ABAT: variants seen among roughly 807,000 people sequenced by gnomAD.
ABAT encodes 4-aminobutyrate aminotransferase, mitochondrial.
ABAT carries 45 observed loss-of-function variants against 64.6 expected under a neutral mutation model. The ratio of observed to expected loss-of-function variants is 0.70; its 90% confidence interval spans 0.55 to 0.89. ABAT has a LOEUF of 0.89. Ranked by LOEUF, ABAT falls within the 40% of genes least tolerant of loss-of-function variation. The pLI is 0.00. For missense variants in ABAT, 633 were observed against 658.4 expected (o/e 0.96, Z 0.42); for synonymous variants, 297 against 250.5 (o/e 1.19, Z -1.75).
chr16:8,712,005 C>CGGGG (rs60186520), intron 1 of ABAT, among the ~76,000 whole-genome samples: 211 of 150,538 alleles, frequency 1.4e-3, no homozygotes, highest in African/African-American at 5.1e-3. Context: ...TTTGGGAGGT[C>CGGGG]GGGGGGGAGG....
rs770410502 is a variant in ABAT at position 8,768,985 on chromosome 16, AC to A, written c.816+15del. ...GCTGTCTGGAAGAGGTAATGCTCAT[AC>A]CCTGCGGATCCTCCCCAACCACCAG... On this transcript the variant is annotated intron_variant, in intron 11 of 15. Coordinates refer to ENST00000268251, the MANE Select transcript of ABAT (RefSeq NM_020686.6). 1 of 1,613,882 alleles carries A rather than the reference AC, an allele frequency of 6.2e-7. No individual in the cohort carries two copies. Among genetic ancestry groups the A allele is most frequent in the Non-Finnish European group, 8.5e-7 (1 of 1,179,928 alleles).
chr16:8,726,434 T>A (rs907512814), intron 1 of ABAT, among the ~76,000 whole-genome samples: 1 of 151,622 alleles, frequency 6.6e-6, no homozygotes, highest in Non-Finnish European at 1.5e-5. Flanking sequence ...ATGATTTTTG[T>A]TTTTTGTAGA....
rs772511380 is a variant in ABAT, at chr16:8,738,616, G to GTTTTTTTTTTTT, written c.70+2812_70+2813insTTTTTTTTTTTT. Among the ~76,000 whole-genome samples, 36 of 117,618 alleles carry GTTTTTTTTTTTT rather than the reference G, an allele frequency of 3.1e-4. 5 individuals carry two copies. The highest frequency in any genetic ancestry group is 8.8e-4 in the South Asian group (3 of 3,408). The allele number at this position is 117,618 out of a possible 152,430, so 77.2% of individuals were successfully genotyped here. A position where few individuals can be genotyped will look rare whatever the true frequency, so the allele number is the denominator to read the frequency against. On this transcript the variant is annotated intron_variant, in intron 2 of 15. Transcript: ENST00000268251. ...TTTTTTCTTTTTTGTTTTTGTTTTT[G>GTTTTTTTTTTTT]TTTTTGTTTTTGTTTTTTTTTTGGT...
intron 2 of ABAT, among the ~76,000 whole-genome samples, chr16:8,745,674 G>A (rs1422893234): frequency 6.6e-6 from 1 of 151,912 alleles, no homozygotes; most frequent in Non-Finnish European, 1.5e-5. Context: ...CTCCAGCCTG[G>A]GCAATAGAGC....
intron 1 of ABAT, among the ~76,000 whole-genome samples, chr16:8,681,692 G>A (rs1161361755): frequency 2.7e-5 from 4 of 149,190 alleles, no homozygotes; most frequent in South Asian, 2.1e-4. Flanking sequence ...CCCAGGCTGG[G>A]GTGCAGTGGT....
At chr16:8,723,557 A>G (rs1457650081) in intron 1 of ABAT, among the ~76,000 whole-genome samples, 1 of 152,146 alleles carries the variant, frequency 6.6e-6, no homozygotes, top group Non-Finnish European at 1.5e-5. Context: ...TCTAGAATCA[A>G]TGACTACATC....
intron 11 of ABAT, among the ~76,000 whole-genome samples, chr16:8,771,103 C>G (rs1253887996): frequency 2.0e-5 from 3 of 151,988 alleles, no homozygotes; most frequent in African/African-American, 7.2e-5. Context: ...CAAGAGCAGC[C>G]TGACTAACAT....
chr16:8,740,923 T>G (rs2059145232), intron 2 of ABAT, among the ~76,000 whole-genome samples: 1 of 152,204 alleles, frequency 6.6e-6, no homozygotes, highest in South Asian at 2.1e-4. Context: ...AGCAAACAAC[T>G]CCAGTTGGAC....
chr16:8,709,993 T>C (rs1444628061), intron 1 of ABAT, among the ~76,000 whole-genome samples: 4 of 151,994 alleles, frequency 2.6e-5, no homozygotes, highest in Non-Finnish European at 5.9e-5. Context: ...TGTATTTTTT[T>C]ATACAGACCT....
chr16:8,743,087 C>G (rs1459735757), intron 2 of ABAT, among the ~76,000 whole-genome samples: 1 of 149,446 alleles, frequency 6.7e-6, no homozygotes, highest in Non-Finnish European at 1.5e-5. Flanking sequence ...TAGGAATTCC[C>G]TTTTTCAGAT....
At position 8,738,418 on chromosome 16, in the gene ABAT, C is replaced by G. The variant is rs1466954333; in HGVS notation, c.70+2609C>G. Reference sequence around the variant, plus strand: ...TTTTATTTGGCTTTCACTCATTTTTCCTTTAATGTCTTTTTCTGCTCCAGG... The same window carrying G: ...TTTTATTTGGCTTTCACTCATTTTTGCTTTAATGTCTTTTTCTGCTCCAGG... On this transcript the variant is annotated intron_variant, in intron 2 of 15. Transcript: ENST00000268251. The G allele has an allele frequency of 1.1e-5, 5 of 455,774 alleles. No individual in the cohort carries two copies. In the Admixed American group the frequency reaches 1.2e-4, roughly 11 times the overall value. The allele number at this position is 455,774 out of a possible 1,614,324, so 28.2% of individuals were successfully genotyped here.
At chr16:8,761,381 C>T (rs576340524) in intron 6 of ABAT, among the ~76,000 whole-genome samples, 10 of 152,330 alleles carry the variant, frequency 6.6e-5, no homozygotes, top group Non-Finnish European at 1.2e-4. Context: ...TACTGCCTTC[C>T]GGCTGTGTCC....
intron 5 of ABAT, among the ~76,000 whole-genome samples, chr16:8,754,631 C>G (rs1429750921): frequency 6.6e-6 from 1 of 151,914 alleles, no homozygotes; most frequent in South Asian, 2.1e-4. Flanking sequence ...ATCTCATAAG[C>G]AGAGAGAGTT....
At chr16:8,767,459 G>A (rs542341599) in intron 9 of ABAT, among the ~76,000 whole-genome samples, 3 of 152,294 alleles carry the variant, frequency 2.0e-5, no homozygotes, top group Middle Eastern at 6.8e-3. Flanking sequence ...GACACCTGAG[G>A]AGGCCTGAGT....
intron 1 of ABAT, among the ~76,000 whole-genome samples, chr16:8,735,297 G>A (rs1179977734): frequency 6.6e-6 from 1 of 151,934 alleles, no homozygotes; most frequent in Non-Finnish European, 1.5e-5. Flanking sequence ...TGTCACCCAG[G>A]CTGGAGAGCA....
intron 1 of ABAT, among the ~76,000 whole-genome samples, chr16:8,724,731 G>GAAA (rs1567286719): frequency 4.1e-5 from 3 of 73,206 alleles, no homozygotes; most frequent in African/African-American, 1.3e-4. Flanking sequence ...CTTGTCTCAG[G>GAAA]AAAAAAAAAA....
chr16:8,778,767 A>C (rs2060342084), intron 14 of ABAT, among the ~76,000 whole-genome samples: 3 of 145,270 alleles, frequency 2.1e-5, no homozygotes, highest in South Asian at 2.2e-4. Context: ...ACAGAGTGAG[A>C]CTCCATCTCA....
intron 1 of ABAT, among the ~76,000 whole-genome samples, chr16:8,734,947 C>T (rs1349737603): frequency 6.6e-6 from 1 of 151,896 alleles, no homozygotes; most frequent in African/African-American, 2.4e-5. Context: ...GTGGTTCATA[C>T]CTGTAATCCC....
chr16:8,750,627 A>T, intron 5 of ABAT, 88 bp downstream of exon 5: 6 of 1,169,440 alleles, frequency 5.1e-6, no homozygotes, highest in Non-Finnish European at 7.7e-6. Flanking sequence ...TGTGGCTTCC[A>T]GCAGGCACAT....
Sources: allele counts gnomAD v4.1 joint callset (sites outside exome capture counted in the v4.1 genomes callset), GRCh38; gene constraint gnomAD v4.1.1; transcripts MANE v1.5; gene names NCBI Gene and HGNC (gene_info 2026-07-23, HGNC 2026-07-21).